The following M1AP variants were observed in gnomAD, a reference collection of about 807,000 sequenced individuals.
M1AP encodes the protein meiosis 1 arrest protein.
A neutral mutation model predicts 51.2 loss-of-function variants in M1AP; 39 were observed. The observed-to-expected ratio is 0.76, with a 90% CI of 0.59 to 1.00. The LOEUF is 1.00. Among genes scored for constraint, M1AP ranks in the 50% least tolerant of loss-of-function variants. The pLI is 0.00. For synonymous variants in M1AP, 251 were observed against 249.2 expected, an observed-to-expected ratio of 1.01 and a Z score of -0.07; for missense variants, 545 against 641.2, an observed-to-expected ratio of 0.85 and a Z score of 1.62.
At position 74,607,085 on chromosome 2, in the gene M1AP, C is replaced by G. The variant is rs761118200; in HGVS notation, c.565G>C (p.Ala189Pro). The G allele has an allele frequency of 6.8e-6, 11 of 1,614,062 alleles. No individual in the cohort carries two copies. The South Asian group carries it at 1.2e-4, about 18-fold the overall frequency. Residue 189 changes from alanine (A) to proline (P), a missense_variant, in exon 4 of 11, where the codon GCG becomes CCG. By Grantham distance (27) the Ala-to-Pro change is conservative (BLOSUM62 -1). Coordinates refer to ENST00000421985, the MANE Select transcript of M1AP (RefSeq NM_001321739.2). ...TKGILEHVDS[A>P]SPVEDTSNDE... ...TTGCTGGTATCCTCAACAGGAGACG[C>G]TGAGTCCACGTGCTCTAGGATTCCC...
chr2:74,626,545 G>A (rs573385141), intron 2 of M1AP, among the ~76,000 whole-genome samples: 9 of 152,264 alleles, frequency 5.9e-5, no homozygotes, highest in East Asian at 1.9e-4. Flanking sequence ...AGGCATGAAC[G>A]AACACGCCCA....
intron 3 of M1AP, among the ~76,000 whole-genome samples, chr2:74,611,120 A>T (rs1350685379): frequency 6.6e-6 from 1 of 152,332 alleles, no homozygotes; most frequent in East Asian, 1.9e-4. Flanking sequence ...CTTCAGAGAT[A>T]TTGGCCTATA....
chr2:74,624,772 T>A (rs1364962926), intron 2 of M1AP, among the ~76,000 whole-genome samples: 1 of 152,212 alleles, frequency 6.6e-6, no homozygotes, highest in Non-Finnish European at 1.5e-5. Context: ...GATTATTGTA[T>A]TTGAGCAATC....
chr2:74,598,847 C>A (rs1402525169), intron 4 of M1AP, among the ~76,000 whole-genome samples: 2 of 151,944 alleles, frequency 1.3e-5, no homozygotes, highest in Non-Finnish European at 2.9e-5. Flanking sequence ...ATCTTGAACT[C>A]CTGGGCTCAA....
At chr2:74,607,359 G>C in intron 3 of M1AP, 136 bp from the exon 4 acceptor site, 1 of 837,570 alleles carries the variant, frequency 1.2e-6, no homozygotes, top group South Asian at 1.8e-5. Flanking sequence ...AAAAGGATTT[G>C]GCTGTAACTT....
At position 74,630,338 on chromosome 2, in the gene M1AP, T is replaced by C. The variant is rs367572573; in HGVS notation, c.240+9698A>G. Among the ~76,000 whole-genome samples the C allele has an allele frequency of 5.3e-5, 8 of 152,350 alleles. No individual in the cohort carries two copies. The East Asian group carries it at 1.2e-3, about 22-fold the overall frequency. ...ATGCACCTTAAAAAAATTTTTATTT[T>C]ATTTTAGGTTCTGGGATACATGTGC... On this transcript the variant is annotated intron_variant, in intron 2 of 10. Coordinates refer to ENST00000421985, the MANE Select transcript of M1AP (RefSeq NM_001321739.2).
At chr2:74,581,113 C>T (rs965224238) in intron 5 of M1AP, among the ~76,000 whole-genome samples, 1 of 152,174 alleles carries the variant, frequency 6.6e-6, no homozygotes, top group African/African-American at 2.4e-5. Context: ...ATGACCAGAA[C>T]ACTGGATTGA....
Position 74,558,042 on chromosome 2 carries a change from A to G in M1AP, c.*674T>C, listed in dbSNP as rs1403528006. Reference sequence around the variant, plus strand: ...TGAGCCACTGCTCCCAGCCCAGAGTAAACATTTTATAAATGGTAGCTATTA... The same window carrying G: ...TGAGCCACTGCTCCCAGCCCAGAGTGAACATTTTATAAATGGTAGCTATTA... On this transcript the variant is annotated 3_prime_UTR_variant, in exon 11 of 11. Transcript: ENST00000421985. The G allele has an allele frequency of 2.0e-5, 3 of 152,238 alleles. No homozygotes were observed. Among genetic ancestry groups the G allele is most frequent in the Non-Finnish European group, 4.4e-5 (3 of 68,114 alleles). The allele number at this position is 152,238 out of a possible 1,614,324, so 9.4% of individuals were successfully genotyped here.
rs182043020 is a variant in M1AP, at chr2:74,564,718, A to T, written c.1075-2295T>A. 9.2e-5 allele frequency among the ~76,000 whole-genome samples: 14 copies of T among 152,150 alleles called. No homozygotes were observed. In the East Asian group the frequency reaches 2.5e-3, roughly 27 times the overall value. On this transcript the variant is annotated intron_variant, in intron 7 of 10. Transcript: ENST00000421985. ...GGTATACAAATCATGGTGTGTGTGT[A>T]TGTGGATTGTGGGTTGGACCTGCCC...
At chr2:74,632,226 G>C (rs1207496026) in intron 2 of M1AP, among the ~76,000 whole-genome samples, 2 of 152,190 alleles carry the variant, frequency 1.3e-5, no homozygotes, top group Admixed American at 1.3e-4. Context: ...AGACCTCATG[G>C]GGAAAAAGCT....
intron 2 of M1AP, among the ~76,000 whole-genome samples, chr2:74,634,118 G>T (rs1299764275): frequency 6.6e-6 from 1 of 152,114 alleles, no homozygotes; most frequent in Non-Finnish European, 1.5e-5. Context: ...TGAAAGTCAT[G>T]GAAAAAACAC....
chr2:74,637,499 T>C (rs1030333212), intron 2 of M1AP, among the ~76,000 whole-genome samples: 2 of 152,252 alleles, frequency 1.3e-5, no homozygotes, highest in Non-Finnish European at 2.9e-5. Context: ...TGTCAGACAG[T>C]ATGAATTTTA....
chr2:74,565,637 G>A (rs886484874), intron 7 of M1AP, among the ~76,000 whole-genome samples: 4 of 152,056 alleles, frequency 2.6e-5, no homozygotes, highest in African/African-American at 9.7e-5. Flanking sequence ...GACCAGCCTG[G>A]CTAATATGGT....
chr2:74,635,803 T>C (rs1488182096), intron 2 of M1AP, among the ~76,000 whole-genome samples: 2 of 152,146 alleles, frequency 1.3e-5, no homozygotes, highest in Non-Finnish European at 1.5e-5. Context: ...TATGTTTCTG[T>C]TATAGATTTT....
chr2:74,646,146 C>T (rs1393746782), intron 1 of M1AP, among the ~76,000 whole-genome samples: 4 of 152,134 alleles, frequency 2.6e-5, no homozygotes, highest in Admixed American at 6.5e-5. Flanking sequence ...GTTGGTGACC[C>T]GTCACTGCAG....
intron 2 of M1AP, among the ~76,000 whole-genome samples, chr2:74,630,179 C>T (rs1682621297): frequency 6.6e-6 from 1 of 152,100 alleles, no homozygotes; most frequent in Admixed American, 6.5e-5. Flanking sequence ...TTATGTGATC[C>T]TCCTTCCTTG....
chr2:74,623,703 G>C lies in M1AP; in HGVS notation c.241-8554C>G, dbSNP rs147159977. Among the ~76,000 whole-genome samples the C allele has an allele frequency of 4.6e-3, 706 of 152,090 alleles. 7 individuals are homozygous for C. The highest frequency in any genetic ancestry group is 0.016 in the African/African-American group (677 of 41,472). ...TTAATTTTTTTTGAGACAGGGTCTC[G>C]CTCTGTCACCCAGGCTGGAGTACAG... On this transcript the variant is annotated intron_variant, in intron 2 of 10. Transcript: ENST00000421985.
chr2:74,600,911 T>C (rs544084243), intron 4 of M1AP, among the ~76,000 whole-genome samples: 1 of 152,230 alleles, frequency 6.6e-6, no homozygotes, highest in Admixed American at 6.5e-5. Flanking sequence ...ATACGAATTA[T>C]TAGAGCTTGA....
intron 8 of M1AP, among the ~76,000 whole-genome samples, chr2:74,561,073 G>A (rs1389046510): frequency 3.9e-5 from 4 of 103,082 alleles, no homozygotes; most frequent in African/African-American, 1.5e-4. Context: ...GGAGGAGGAG[G>A]AGGAGGAGGA....
Sources: gnomAD v4.1 joint callset for allele counts (sites outside exome capture counted in the v4.1 genomes callset) on GRCh38, gnomAD v4.1.1 for gene constraint, MANE v1.5 for transcripts, NCBI Gene and HGNC (gene_info 2026-07-23, HGNC 2026-07-21) for gene names.